Variants in CFAP20DC observed in about 807,000 individuals in gnomAD.
The protein encoded by CFAP20DC is protein CFAP20DC.
A neutral mutation model predicts 101.7 loss-of-function variants in CFAP20DC; 84 were observed. The observed-to-expected ratio is 0.83, with a 90% CI of 0.69 to 0.99. CFAP20DC has a LOEUF of 0.99. Ranked by LOEUF, CFAP20DC falls within the 50% of genes least tolerant of loss-of-function variation. The pLI, the probability that CFAP20DC is intolerant of heterozygous loss-of-function variation, is 0.00. For missense variants in CFAP20DC, 1,007 were observed against 970.3 expected (o/e 1.04, Z -0.50); for synonymous variants, 359 against 351.2 (o/e 1.02, Z -0.25).
chr3:58,879,179 G>A (rs546023454), intron 7 of CFAP20DC, among the ~76,000 whole-genome samples: 1 of 152,242 alleles, frequency 6.6e-6, no homozygotes, highest in Non-Finnish European at 1.5e-5. Flanking sequence ...ACAGCTAGAA[G>A]AAAGGTTTTG....
chr3:58,963,190 TTG>T (rs56234919), intron 4 of CFAP20DC, among the ~76,000 whole-genome samples: 3,862 of 118,170 alleles, frequency 0.033, 52 homozygotes, highest in Middle Eastern at 0.061. Context: ...GTTCAGTAGT[TTG>T]TGTGTGTGTG....
At chr3:59,020,008 A>G (rs1377554217) in intron 4 of CFAP20DC, among the ~76,000 whole-genome samples, 3 of 152,154 alleles carry the variant, frequency 2.0e-5, no homozygotes, top group African/African-American at 7.2e-5. Context: ...TATAATATTT[A>G]GCCAGAGATT....
chr3:58,905,228 C>T (rs1462347789), intron 6 of CFAP20DC, among the ~76,000 whole-genome samples: 2 of 152,170 alleles, frequency 1.3e-5, no homozygotes, highest in South Asian at 2.1e-4. Context: ...TTGATCTTCT[C>T]TCTTCTCATT....
chr3:58,730,952 C>A (rs2067634198), intron 3 of CFAP20DC, among the ~76,000 whole-genome samples: 1 of 152,114 alleles, frequency 6.6e-6, no homozygotes, highest in Non-Finnish European at 1.5e-5. Flanking sequence ...CCTCTGTGGT[C>A]AAGAGGTCCA....
At chr3:58,965,118 G>A (rs1425159678) in intron 4 of CFAP20DC, among the ~76,000 whole-genome samples, 8 of 152,036 alleles carry the variant, frequency 5.3e-5, no homozygotes, top group Non-Finnish European at 1.2e-4. Context: ...CCTGTCCAGG[G>A]CCCTGCAACA....
chr3:58,874,226 C>A lies in CFAP20DC; in HGVS notation c.716-3917G>T, dbSNP rs2080538143. ...ATCTAGGTGTCATGCTTGACACCTT[C>A]CCCTGATCTCTCCATATCCCATCCA... On this transcript the variant is annotated intron_variant, in intron 7 of 16. Coordinates refer to ENST00000482387, the MANE Select transcript of CFAP20DC (RefSeq NM_001394063.1). The surrounding 1 kb of genome is among the most constrained non-coding windows in gnomAD (Gnocchi z 5.1). Among the ~76,000 whole-genome samples, 1 of 152,154 alleles carries A rather than the reference C, an allele frequency of 6.6e-6. No individual in the cohort carries two copies. The highest frequency in any genetic ancestry group is 1.5e-5 in the Non-Finnish European group (1 of 68,032).
At chr3:58,740,287 T>C (rs558524939), downstream of CFAP20DC, among the ~76,000 whole-genome samples, 58 of 152,286 alleles carry the variant, frequency 3.8e-4, no homozygotes, top group Admixed American at 1.3e-3. This position sits in a 1 kb window ranked among gnomAD's most constrained non-coding sequence, Gnocchi z 4.6. Context: ...CCCCTCCCCA[T>C]TTTCTTAACA....
intron 6 of CFAP20DC, among the ~76,000 whole-genome samples, chr3:58,901,290 T>C (rs2083122182): frequency 1.3e-5 from 2 of 152,250 alleles, no homozygotes; most frequent in Admixed American, 6.5e-5. Flanking sequence ...GAGTTTGCTA[T>C]AGAATGCTGG....
intron 4 of CFAP20DC, among the ~76,000 whole-genome samples, chr3:59,031,730 CAT>C (rs1343212658): frequency 9.2e-5 from 14 of 152,134 alleles, no homozygotes; most frequent in African/African-American, 3.4e-4. Flanking sequence ...AGCTAAAATT[CAT>C]ATGTTAACAA....
chr3:58,736,543 C>A (rs2067761116), intron 3 of CFAP20DC, among the ~76,000 whole-genome samples: 1 of 152,148 alleles, frequency 6.6e-6, no homozygotes, highest in South Asian at 2.1e-4. Flanking sequence ...TCCTGGAATT[C>A]TTAAGCCAAA....
chr3:58,898,838 T>C lies in CFAP20DC; in HGVS notation c.551-14129A>G, dbSNP rs183757666. 2.6e-5 allele frequency among the ~76,000 whole-genome samples: 4 copies of C among 152,340 alleles called. No individual in the cohort carries two copies. In the East Asian group the frequency reaches 7.7e-4, roughly 29 times the overall value. On this transcript the variant is annotated intron_variant, in intron 6 of 16. Coordinates refer to ENST00000482387, the MANE Select transcript of CFAP20DC (RefSeq NM_001394063.1). The stretch of plus-strand genomic sequence containing the variant: ...TGTGGGTTTATCTACCTTTGATCTT[T>C]CAGATTGCTCATCTTTGAGTTGGGT...
At chr3:59,005,720 A>G (rs1158492343) in intron 4 of CFAP20DC, among the ~76,000 whole-genome samples, 2 of 152,234 alleles carry the variant, frequency 1.3e-5, no homozygotes, top group Non-Finnish European at 2.9e-5. Flanking sequence ...AAATTTCAAT[A>G]TATTAATGTA....
chr3:59,023,468 G>A (rs552677752), intron 4 of CFAP20DC, among the ~76,000 whole-genome samples: 1 of 152,218 alleles, frequency 6.6e-6, no homozygotes, highest in African/African-American at 2.4e-5. Context: ...TTCAAAAAGT[G>A]GAGAGATGGG....
At chr3:58,953,209 T>C (rs2090311345) in intron 4 of CFAP20DC, among the ~76,000 whole-genome samples, 1 of 152,142 alleles carries the variant, frequency 6.6e-6, no homozygotes, top group Non-Finnish European at 1.5e-5. Context: ...GACAGAAGAC[T>C]GTGTGAAAAG....
chr3:58,816,484 G>A (rs1046606312), intron 14 of CFAP20DC, among the ~76,000 whole-genome samples: 25 of 152,318 alleles, frequency 1.6e-4, no homozygotes, highest in Admixed American at 7.2e-4. Flanking sequence ...CCTGGGAAGC[G>A]CAAGGGGTCA....
chr3:58,998,727 C>A (rs932153663), intron 4 of CFAP20DC, among the ~76,000 whole-genome samples: 9 of 152,108 alleles, frequency 5.9e-5, no homozygotes, highest in African/African-American at 2.2e-4. Context: ...ACGATACTGG[C>A]CCTGATGATG....
chr3:58,986,115 A>C (rs1576601348), intron 4 of CFAP20DC, among the ~76,000 whole-genome samples: 1 of 152,334 alleles, frequency 6.6e-6, no homozygotes, highest in East Asian at 1.9e-4. Context: ...TAACTGCTAC[A>C]AATACATAGT....
At chr3:58,903,039 T>C (rs1311768526) in intron 6 of CFAP20DC, among the ~76,000 whole-genome samples, 3 of 152,184 alleles carry the variant, frequency 2.0e-5, no homozygotes, top group African/African-American at 7.2e-5. Flanking sequence ...TATTCATATA[T>C]AAACCAGGAT....
intron 4 of CFAP20DC, among the ~76,000 whole-genome samples, chr3:59,039,092 A>G (rs1276257138): frequency 6.6e-6 from 1 of 152,088 alleles, no homozygotes; most frequent in African/African-American, 2.4e-5. Flanking sequence ...AACAATCTCC[A>G]TTTAAAACAA....
Sources: allele counts gnomAD v4.1 joint callset (sites outside exome capture counted in the v4.1 genomes callset), GRCh38; gene constraint gnomAD v4.1.1; non-coding constraint Gnocchi (gnomAD v3.1); transcripts MANE v1.5; gene names NCBI Gene and HGNC (gene_info 2026-07-23, HGNC 2026-07-21).